The following OR2L3 variants were observed in gnomAD, a reference collection of about 807,000 sequenced individuals.
OR2L3 encodes olfactory receptor 2L3.
For synonymous variants in OR2L3, 131 were observed against 139.1 expected (o/e 0.94, Z 0.41); for missense variants, 369 against 376.6 (o/e 0.98, Z 0.17).
At chr1:248,057,437 G>T (rs1320297489) in intron 1 of OR2L3, among the ~76,000 whole-genome samples, 1 of 151,970 alleles carries the variant, frequency 6.6e-6, no homozygotes. Context: ...AATCTGTTTT[G>T]TCAGAAACTA....
chr1:248,048,844 G>A (rs916017595), intron 1 of OR2L3, among the ~76,000 whole-genome samples: 1 of 151,718 alleles, frequency 6.6e-6, no homozygotes. Context: ...TAAAACTTCA[G>A]TCTGATTTTT....
intron 1 of OR2L3, among the ~76,000 whole-genome samples, chr1:248,059,248 C>A (rs1663539109): frequency 6.6e-6 from 1 of 152,098 alleles, no homozygotes; most frequent in Non-Finnish European, 1.5e-5. Context: ...ATATTTAAGC[C>A]TAAAAAACTC....
At chr1:248,052,859 G>A (rs1223040485) in intron 1 of OR2L3, among the ~76,000 whole-genome samples, 3 of 149,568 alleles carry the variant, frequency 2.0e-5, no homozygotes, top group Non-Finnish European at 4.5e-5. Context: ...TTCTGTTTCT[G>A]AAAAAAAAAA....
intron 1 of OR2L3, among the ~76,000 whole-genome samples, chr1:248,059,362 C>A (rs925236358): frequency 6.6e-6 from 1 of 152,158 alleles, no homozygotes; most frequent in African/African-American, 2.4e-5. Context: ...ATTCTAGTTT[C>A]CCTTTTTATT....
rs1348176268 is a variant in OR2L3 at position 248,061,800 on chromosome 1, AC to A, written c.*182del. ...ATATATGTATATATAACTCCAAACAACCTTTTTTCTTCATGGCATTGTTTCC... is the reference window on the plus strand; with the variant it reads ...ATATATGTATATATAACTCCAAACAACTTTTTTCTTCATGGCATTGTTTCC... On this transcript the variant is annotated 3_prime_UTR_variant, in exon 2 of 2. Transcript: ENST00000359959. 8.6e-6 allele frequency: 4 copies of A among 462,722 alleles called. No individual in the cohort carries two copies. Among genetic ancestry groups the A allele is most frequent in the African/African-American group, 4.0e-5 (2 of 50,228 alleles). 28.7% of individuals were successfully genotyped at this position (462,722 alleles called of 1,614,324 possible).
Position 248,061,554 on chromosome 1 carries a change from G to T in OR2L3, c.873G>T (p.Leu291=). 6.2e-7 allele frequency: 1 copy of T among 1,613,798 alleles called. No individual in the cohort carries two copies. Among genetic ancestry groups the T allele is most frequent in the East Asian group, 2.2e-5 (1 of 44,878 alleles). Residue 291 remains leucine, a synonymous_variant, in exon 2 of 2, where the codon CTG becomes CTT. Transcript: ENST00000359959. ...TGCTCAACCCCATCATCTATAGCCT[G>T]AGGAACAAGGAGGTGATGGGGGCCC... The part of the protein sequence containing the change: ...TPMLNPIIYS[L]RNKEVMGALT...
intron 1 of OR2L3, among the ~76,000 whole-genome samples, chr1:248,048,913 TTCTC>T (rs1175739476): frequency 1.4e-5 from 2 of 138,484 alleles, no homozygotes; most frequent in East Asian, 2.1e-4. Context: ...TTCTTTCCTT[TTCTC>T]TCTCTCTTTT....
chr1:248,056,785 C>G (rs1264537535), intron 1 of OR2L3, among the ~76,000 whole-genome samples: 2 of 150,584 alleles, frequency 1.3e-5, no homozygotes, highest in Non-Finnish European at 3.0e-5. Flanking sequence ...GTAGCTGGGA[C>G]TGCTGGTACA....
At chr1:248,048,196 A>G (rs543648519) in intron 1 of OR2L3, among the ~76,000 whole-genome samples, 29 of 152,156 alleles carry the variant, frequency 1.9e-4, no homozygotes, top group Non-Finnish European at 3.4e-4. Context: ...GTGGACCTCA[A>G]TGGCAGGATG....
At chr1:248,048,216 A>C (rs2103107183) in intron 1 of OR2L3, among the ~76,000 whole-genome samples, 1 of 152,330 alleles carries the variant, frequency 6.6e-6, no homozygotes, top group African/African-American at 2.4e-5. Context: ...GTGACTTGGA[A>C]GCACACATAC....
intron 1 of OR2L3, among the ~76,000 whole-genome samples, chr1:248,047,553 C>T (rs372131825): frequency 6.6e-6 from 1 of 152,024 alleles, no homozygotes; most frequent in East Asian, 1.9e-4. Context: ...TATAGGTATC[C>T]AGATTTTGTT....
At chr1:248,048,919 C>CTTTTTTTTT (rs1452819134) in intron 1 of OR2L3, among the ~76,000 whole-genome samples, 1 of 138,194 alleles carries the variant, frequency 7.2e-6, no homozygotes, top group African/African-American at 3.2e-5. Context: ...CCTTTTCTCT[C>CTTTTTTTTT]TCTCTTTTTT....
chr1:248,056,612 A>G (rs996193116), intron 1 of OR2L3, among the ~76,000 whole-genome samples: 3 of 150,396 alleles, frequency 2.0e-5, no homozygotes, highest in African/African-American at 7.3e-5. Context: ...TATTATTTAG[A>G]CAGGAGTCAT....
At chr1:248,051,806 A>G (rs1663273895) in intron 1 of OR2L3, among the ~76,000 whole-genome samples, 1 of 151,830 alleles carries the variant, frequency 6.6e-6, no homozygotes, top group Non-Finnish European at 1.5e-5. Context: ...TATTTCATTC[A>G]GAACTAAAAT....
At chr1:248,059,922 C>G (rs1322699555) in intron 1 of OR2L3, among the ~76,000 whole-genome samples, 2 of 151,966 alleles carry the variant, frequency 1.3e-5, no homozygotes, top group Non-Finnish European at 2.9e-5. Context: ...TGGTCGTAGT[C>G]TCAGCTACTC....
chr1:248,047,789 G>A (rs181099640), intron 1 of OR2L3, among the ~76,000 whole-genome samples: 9 of 152,288 alleles, frequency 5.9e-5, no homozygotes, highest in African/African-American at 1.7e-4. Context: ...GTGAGTGTAA[G>A]TGATAGTGAT....
At position 248,060,826 on chromosome 1, in the gene OR2L3, T is replaced by G. The variant is rs949649707; in HGVS notation, c.145T>G (p.Phe49Val). ...IGNLSMILLI[F>V]LDTHLHTPMY... ...AAACCTATCCATGATTCTTCTCATC[T>G]TCTTGGACACCCATCTCCACACACC... Residue 49 changes from phenylalanine to valine, a missense_variant, in exon 2 of 2, where the codon TTC (phenylalanine) becomes GTC (valine). By Grantham distance (50) the Phe-to-Val change is conservative (BLOSUM62 -1). Coordinates refer to ENST00000359959, the MANE Select transcript of OR2L3 (RefSeq NM_001004687.2). 6.2e-7 allele frequency: 1 copy of G among 1,613,920 alleles called. No individual in the cohort carries two copies.
intron 1 of OR2L3, among the ~76,000 whole-genome samples, chr1:248,058,198 C>A (rs1439443174): frequency 6.6e-6 from 1 of 152,182 alleles, no homozygotes; most frequent in Non-Finnish European, 1.5e-5. Context: ...ATGTTAGAAA[C>A]ATAACAAACT....
Position 248,059,636 on chromosome 1 carries a change from T to C in OR2L3, c.-21-1025T>C, listed in dbSNP as rs115645070. Among the ~76,000 whole-genome samples, 483 of 152,316 alleles carry C rather than the reference T, an allele frequency of 3.2e-3. 8 individuals carry two copies. Among genetic ancestry groups the C allele is most frequent in the African/African-American group, 0.011 (452 of 41,570 alleles). On this transcript the variant is annotated intron_variant, in intron 1 of 1. Transcript: ENST00000359959. ...GATTCCTTCTGGATTTCTAAATAAA[T>C]GAACCACAAAATGATAACTGACTAA...
Sources: allele counts gnomAD v4.1 joint callset (sites outside exome capture counted in the v4.1 genomes callset), GRCh38; gene constraint gnomAD v4.1.1; transcripts MANE v1.5; gene names NCBI Gene and HGNC (gene_info 2026-07-23, HGNC 2026-07-21).